The following MALL variants were observed in gnomAD, a reference collection of about 807,000 sequenced individuals.
MALL encodes the protein MAL-like protein.
In MALL, 2 loss-of-function variants were observed where a neutral mutation model predicts 10.3. The observed-to-expected ratio is 0.19, with a 90% CI of 0.08 to 0.61. MALL has a LOEUF of 0.61. MALL is among the 20% of genes least tolerant of loss of function. The probability of loss-of-function intolerance (pLI) is 0.88; values close to 1 mark genes in which losing one functional copy is unlikely to be tolerated. For missense variants in MALL, 39 were observed against 115.2 expected (o/e 0.34, Z 3.03); for synonymous variants, 27 against 51.8 (o/e 0.52, Z 2.05).
intron 1 of MALL, among the ~76,000 whole-genome samples, chr2:110,113,837 G>C (rs1190896634): frequency 1.3e-5 from 2 of 152,150 alleles, no homozygotes; most frequent in African/African-American, 2.4e-5. Flanking sequence ...GAAGATGCAG[G>C]CATTACCAGC....
At chr2:110,096,390 A>G (rs1678440937) in intron 1 of MALL, among the ~76,000 whole-genome samples, 1 of 152,000 alleles carries the variant, frequency 6.6e-6, no homozygotes, top group Non-Finnish European at 1.5e-5. Flanking sequence ...GTGCCTATCT[A>G]TCAAATAGAA....
At chr2:110,114,488 G>T (rs927111108) in intron 1 of MALL, among the ~76,000 whole-genome samples, 2 of 151,820 alleles carry the variant, frequency 1.3e-5, no homozygotes, top group African/African-American at 2.4e-5. Flanking sequence ...CTGGCACGTA[G>T]GACTCATCAG....
intron 1 of MALL, among the ~76,000 whole-genome samples, chr2:110,100,564 T>G (rs1337717924): frequency 6.6e-6 from 1 of 152,144 alleles, no homozygotes; most frequent in Non-Finnish European, 1.5e-5. Context: ...TCCTGGATCT[T>G]TTGTTTCACT....
intron 1 of MALL, among the ~76,000 whole-genome samples, chr2:110,109,529 C>T (rs140620322): frequency 2.0e-5 from 3 of 152,266 alleles, no homozygotes; most frequent in Non-Finnish European, 4.4e-5. Context: ...ATGCTGCTAA[C>T]ACTGGAGGTC....
chr2:110,111,896 C>T (rs912288464), intron 1 of MALL, among the ~76,000 whole-genome samples: 15 of 152,128 alleles, frequency 9.9e-5, no homozygotes, highest in South Asian at 2.1e-4. Context: ...CATAGACCAA[C>T]GGAACAGAAT....
chr2:110,107,320 C>T (rs1407092833), intron 1 of MALL, among the ~76,000 whole-genome samples: 2 of 151,828 alleles, frequency 1.3e-5, no homozygotes, highest in African/African-American at 4.9e-5. Context: ...TCTTGCCCTC[C>T]ACCTAGAAAC....
At chr2:110,108,002 C>G (rs190772103) in intron 1 of MALL, among the ~76,000 whole-genome samples, 1 of 152,292 alleles carries the variant, frequency 6.6e-6, no homozygotes, top group African/African-American at 2.4e-5. Context: ...AATACTACAT[C>G]AGGGGAACAC....
chr2:110,112,906 A>C (rs980230119), intron 1 of MALL, among the ~76,000 whole-genome samples: 2 of 150,170 alleles, frequency 1.3e-5, no homozygotes, highest in Non-Finnish European at 3.0e-5. Flanking sequence ...AAATATATAC[A>C]TATATATGAT....
chr2:110,116,410 C>T (rs1678924139), upstream of MALL: 2 of 152,742 alleles, frequency 1.3e-5, no homozygotes, highest in Non-Finnish European at 2.9e-5. Context: ...AGCTCATGCC[C>T]CTGGGACTTG....
chr2:110,096,893 A>G (rs1157302353), intron 1 of MALL, among the ~76,000 whole-genome samples: 1 of 53,062 alleles, frequency 1.9e-5, no homozygotes, highest in Non-Finnish European at 1.1e-4. Context: ...AAATGCCCAT[A>G]CTGTTCAACT....
chr2:110,099,468 T>TA (rs1678515901), intron 1 of MALL, among the ~76,000 whole-genome samples: 1 of 152,220 alleles, frequency 6.6e-6, no homozygotes, highest in South Asian at 2.1e-4. Flanking sequence ...ATCAAGTTGA[T>TA]AAAACCTCAT....
chr2:110,111,297 T>C (rs1020724830), intron 1 of MALL, among the ~76,000 whole-genome samples: 1 of 152,092 alleles, frequency 6.6e-6, no homozygotes, highest in Non-Finnish European at 1.5e-5. Context: ...TTGCTGACGA[T>C]ATGATCGTTT....
chr2:110,105,267 G>A (rs1257252650), intron 1 of MALL, among the ~76,000 whole-genome samples: 1 of 152,242 alleles, frequency 6.6e-6, no homozygotes, highest in African/African-American at 2.4e-5. Flanking sequence ...AAGGGGCCAA[G>A]GTGGCCACAG....
rs148448057 is a variant in MALL, at chr2:110,114,604, A to T, written c.105+1084T>A. 2.3e-3 allele frequency among the ~76,000 whole-genome samples: 350 copies of T among 151,602 alleles called. 5 individuals are homozygous for T. The highest frequency in any genetic ancestry group is 8.2e-3 in the African/African-American group (338 of 41,330). The stretch of plus-strand genomic sequence containing the variant: ...TGGGGTTTCAGCTGGAGCCACTCAG[A>T]TCCTAGGCCCACCCTGCCTGATTCT... On this transcript the variant is annotated intron_variant, in intron 1 of 3. Coordinates refer to ENST00000272462, the MANE Select transcript of MALL (RefSeq NM_005434.5).
chr2:110,104,558 T>C (rs1574034393), intron 1 of MALL, among the ~76,000 whole-genome samples: 1 of 152,206 alleles, frequency 6.6e-6, no homozygotes, highest in African/African-American at 2.4e-5. Context: ...TTATGTACCC[T>C]GACTTTATAT....
rs893964927 is a variant in MALL, at chr2:110,109,148, A to G, written c.105+6540T>C. On this transcript the variant is annotated intron_variant, in intron 1 of 3. Coordinates refer to ENST00000272462, the MANE Select transcript of MALL (RefSeq NM_005434.5). ...AAAATACAAATTAAAAAGCAAAAAC[A>G]TAACCAAAGTAGACAGGCAACAAAG... Among the ~76,000 whole-genome samples, 11 of 152,154 alleles carry G rather than the reference A, an allele frequency of 7.2e-5. 1 individual carries two copies. The highest frequency in any genetic ancestry group is 3.3e-4 in the Admixed American group (5 of 15,276).
intron 1 of MALL, among the ~76,000 whole-genome samples, chr2:110,101,233 C>T (rs1284580709): frequency 1.3e-5 from 2 of 152,172 alleles, no homozygotes; most frequent in Non-Finnish European, 2.9e-5. Flanking sequence ...CTCAGTTACC[C>T]AGTAGGGGTG....
At chr2:110,098,779 G>GA (rs1486398962) in intron 1 of MALL, among the ~76,000 whole-genome samples, 2 of 152,114 alleles carry the variant, frequency 1.3e-5, no homozygotes, top group East Asian at 3.9e-4. Flanking sequence ...CCAAGGTGGG[G>GA]ATCACTCGAG....
At chr2:110,115,651 C>T (rs767142225) in intron 1 of MALL, 37 bp downstream of exon 1, 14 of 1,176,540 alleles carry the variant, frequency 1.2e-5, no homozygotes, top group Non-Finnish European at 1.5e-5. Context: ...CCCCCTCCCT[C>T]TCTGCAGGTG....
Sources: allele counts gnomAD v4.1 joint callset (sites outside exome capture counted in the v4.1 genomes callset), GRCh38; gene constraint gnomAD v4.1.1; transcripts MANE v1.5; gene names NCBI Gene and HGNC (gene_info 2026-07-23, HGNC 2026-07-21).